The following WWOX variants were observed in gnomAD, a reference collection of about 807,000 sequenced individuals.
WWOX encodes WW domain-containing oxidoreductase.
WWOX carries 69 observed loss-of-function variants against 46.2 expected under a neutral mutation model. That is an observed-to-expected ratio of 1.49 (90% CI 1.23 to 1.82). The LOEUF (loss-of-function observed/expected upper bound fraction) is 1.82, where lower values mean the gene tolerates loss of function less well. Ranked by LOEUF, WWOX falls within the 40% of genes most tolerant of loss-of-function variation. The probability of loss-of-function intolerance (pLI) is 0.00; values close to 1 mark genes in which losing one functional copy is unlikely to be tolerated. For missense variants in WWOX, 919 were observed against 542.6 expected (o/e 1.69, Z -6.89); for synonymous variants, 359 against 202.6 (o/e 1.77, Z -6.56).
chr16:78,775,746 G>A (rs2050174888), intron 8 of WWOX, among the ~76,000 whole-genome samples: 1 of 152,214 alleles, frequency 6.6e-6, no homozygotes, highest in South Asian at 2.1e-4. Flanking sequence ...ATAATCATTA[G>A]CATCATTGCT....
intron 8 of WWOX, among the ~76,000 whole-genome samples, chr16:78,735,119 G>A (rs1259288821): frequency 1.3e-5 from 2 of 151,670 alleles, no homozygotes; most frequent in Non-Finnish European, 2.9e-5. Context: ...CACCTGCCTT[G>A]ACGTCGCAAA....
intron 5 of WWOX, among the ~76,000 whole-genome samples, chr16:78,363,681 T>G (rs1049635750): frequency 6.6e-6 from 1 of 152,124 alleles, no homozygotes; most frequent in Admixed American, 6.6e-5. Context: ...ACCATTCAGG[T>G]TCTTCTATTA....
At chr16:78,193,947 G>A (rs896886715) in intron 5 of WWOX, among the ~76,000 whole-genome samples, 2 of 149,590 alleles carry the variant, frequency 1.3e-5, no homozygotes, top group African/African-American at 2.5e-5. Context: ...GCGTGATCTC[G>A]GCTCACTGCA....
intron 8 of WWOX, among the ~76,000 whole-genome samples, chr16:78,945,193 G>A (rs558795746): frequency 6.6e-6 from 1 of 152,012 alleles, no homozygotes; most frequent in Non-Finnish European, 1.5e-5. Context: ...AAAAGAAAAA[G>A]AAAAAGAAAG....
chr16:78,460,338 GGTT>G lies in WWOX; in HGVS notation c.1056+27590_1056+27592del, dbSNP rs545042428. On this transcript the variant is annotated intron_variant, in intron 8 of 8. Transcript: ENST00000566780. ...AGGCGGAGTTTCACCAAGTTGGCCA[GGTT>G]GTTCTCAAACTACTGACCTCTCCTC... 4.1e-3 allele frequency among the ~76,000 whole-genome samples: 627 copies of G among 152,194 alleles called. 19 individuals carry two copies. Among genetic ancestry groups the G allele is most frequent in the Admixed American group, 0.037 (571 of 15,280 alleles).
At chr16:78,731,965 G>A (rs2048981033) in intron 8 of WWOX, among the ~76,000 whole-genome samples, 1 of 150,650 alleles carries the variant, frequency 6.6e-6, no homozygotes, top group South Asian at 2.1e-4. Flanking sequence ...TCCTGCCTCA[G>A]CCATCTGAGT....
chr16:78,335,578 C>G (rs961136827), intron 5 of WWOX, among the ~76,000 whole-genome samples: 14 of 151,930 alleles, frequency 9.2e-5, no homozygotes, highest in Non-Finnish European at 1.9e-4. Context: ...ACCATTTGAC[C>G]CAGCAATCCC....
chr16:78,369,685 C>A (rs971742033), intron 5 of WWOX, among the ~76,000 whole-genome samples: 3 of 152,098 alleles, frequency 2.0e-5, no homozygotes, highest in African/African-American at 4.8e-5. Flanking sequence ...AAAGGTCTCT[C>A]TCGGTGGGAG....
chr16:78,567,571 A>T (rs2044603345), intron 8 of WWOX, among the ~76,000 whole-genome samples: 1 of 150,688 alleles, frequency 6.6e-6, no homozygotes, highest in Non-Finnish European at 1.5e-5. Flanking sequence ...AAAAAAAAAA[A>T]AAAAGAAGTG....
At chr16:78,915,308 G>A (rs575796297) in intron 8 of WWOX, among the ~76,000 whole-genome samples, 2 of 152,226 alleles carry the variant, frequency 1.3e-5, no homozygotes, top group Admixed American at 6.5e-5. Context: ...ATCTTGGCTG[G>A]TCCAATTCCA....
intron 8 of WWOX, among the ~76,000 whole-genome samples, chr16:78,705,214 A>G (rs1025738264): frequency 6.6e-6 from 1 of 152,200 alleles, no homozygotes; most frequent in Middle Eastern, 3.2e-3. Context: ...GCCGCTAAAA[A>G]TGTATGTGGA....
intron 5 of WWOX, among the ~76,000 whole-genome samples, chr16:78,362,279 C>T (rs552255259): frequency 6.6e-5 from 10 of 152,004 alleles, no homozygotes; most frequent in Admixed American, 5.9e-4. Flanking sequence ...AGAGACGAGA[C>T]ACAGCAAGGT....
At chr16:79,160,840 ATG>A (rs2050471986) in intron 8 of WWOX, among the ~76,000 whole-genome samples, 1 of 152,126 alleles carries the variant, frequency 6.6e-6, no homozygotes, top group East Asian at 1.9e-4. Flanking sequence ...GTATAGATGC[ATG>A]TGTGTACGTA....
chr16:78,943,661 A>G lies in WWOX; in HGVS notation c.1057-267947A>G, dbSNP rs180946086. On this transcript the variant is annotated intron_variant, in intron 8 of 8. Coordinates refer to ENST00000566780, the MANE Select transcript of WWOX (RefSeq NM_016373.4). ...CCTGGACGCAGCTGAAAAAATCCAG[A>G]AGAGTGTAGGACACTGGAAAAGTAG... Among the ~76,000 whole-genome samples, 664 of 152,304 alleles carry G rather than the reference A, an allele frequency of 4.4e-3. 2 individuals carry two copies. Among genetic ancestry groups the G allele is most frequent in the African/African-American group, 0.015 (633 of 41,556 alleles).
At chr16:78,273,024 GT>G (rs1338683844) in intron 5 of WWOX, among the ~76,000 whole-genome samples, 1 of 152,096 alleles carries the variant, frequency 6.6e-6, no homozygotes, top group Non-Finnish European at 1.5e-5. Context: ...TTGTTTGTTT[GT>G]TTCTTCTTGA....
At chr16:78,813,505 T>G (rs922464133) in intron 8 of WWOX, among the ~76,000 whole-genome samples, 1 of 152,182 alleles carries the variant, frequency 6.6e-6, no homozygotes, top group African/African-American at 2.4e-5. Flanking sequence ...GTTAGAGAGA[T>G]ATATAATGAT....
intron 8 of WWOX, among the ~76,000 whole-genome samples, chr16:78,600,985 A>G (rs78517293): frequency 0.014 from 2,129 of 152,250 alleles, 50 homozygotes; most frequent in African/African-American, 0.049. Flanking sequence ...AGCTTCTGCC[A>G]TCCCTCTGTC....
At chr16:78,109,703 C>G (rs1340860720) in intron 2 of WWOX, 75 bp from the exon 3 acceptor site, 17 of 1,519,162 alleles carry the variant, frequency 1.1e-5, no homozygotes, top group Non-Finnish European at 1.6e-5. Flanking sequence ...GCTGGGAGGG[C>G]TCCTTCCCTT....
rs545948659 is a variant in WWOX at position 78,928,266 on chromosome 16, G to A, written c.1057-283342G>A. ...CGCCCAGGCTGGAGTGCAGTGGCGC[G>A]ATCTCGGCTCACTGCAAGCTCCGCC... On this transcript the variant is annotated intron_variant, in intron 8 of 8. Coordinates refer to ENST00000566780, the MANE Select transcript of WWOX (RefSeq NM_016373.4). 5.6e-3 allele frequency among the ~76,000 whole-genome samples: 828 copies of A among 148,316 alleles called. 7 individuals carry two copies. The highest frequency in any genetic ancestry group is 0.02 in the African/African-American group (802 of 39,990).
Sources: gnomAD v4.1 joint callset for allele counts (sites outside exome capture counted in the v4.1 genomes callset) on GRCh38, gnomAD v4.1.1 for gene constraint, MANE v1.5 for transcripts, NCBI Gene and HGNC (gene_info 2026-07-23, HGNC 2026-07-21) for gene names.